Variants in DHX30 observed in about 807,000 individuals in gnomAD.
The protein encoded by DHX30 is DExH-box helicase 30.
A neutral mutation model predicts 116.9 loss-of-function variants in DHX30; 4 were observed. That is an observed-to-expected ratio of 0.03 (90% CI 0.02 to 0.08). DHX30 has a LOEUF of 0.08. Ranked by LOEUF, DHX30 falls within the 10% of genes least tolerant of loss-of-function variation. The probability of loss-of-function intolerance (pLI) is 1.00; values close to 1 mark genes in which losing one functional copy is unlikely to be tolerated. For synonymous variants in DHX30, 697 were observed against 651.7 expected (o/e 1.07, Z -1.06); for missense variants, 871 against 1,595.1 (o/e 0.55, Z 7.73).
At chr3:47,834,883 G>A (rs1303787148) in intron 6 of DHX30, among the ~76,000 whole-genome samples, 1 of 152,168 alleles carries the variant, frequency 6.6e-6, no homozygotes, top group Non-Finnish European at 1.5e-5. Context: ...GTTAACATGG[G>A]AGTGCAGACA....
chr3:47,840,242 CCG>C (rs2037310206), intron 6 of DHX30, among the ~76,000 whole-genome samples: 2 of 151,502 alleles, frequency 1.3e-5, no homozygotes, highest in Non-Finnish European at 2.9e-5. Flanking sequence ...CATGATCCGC[CCG>C]TCTCGGCCTC....
At chr3:47,824,200 AC>A (rs1302232639) in intron 4 of DHX30, among the ~76,000 whole-genome samples, 1 of 151,482 alleles carries the variant, frequency 6.6e-6, no homozygotes, top group East Asian at 1.9e-4. Context: ...ATGGGGTTTC[AC>A]CATGTTGGCC....
chr3:47,819,300 T>G (rs778243358), intron 4 of DHX30: 1 of 1,367,592 alleles, frequency 7.3e-7, no homozygotes, highest in African/African-American at 1.5e-5. Flanking sequence ...GTGCTTTGGC[T>G]AAGCTTGAAG....
chr3:47,845,768 T>G lies in DHX30; in HGVS notation c.1008T>G (p.Arg336=). 5.6e-6 allele frequency: 9 copies of G among 1,612,678 alleles called. No individual in the cohort carries two copies. The highest frequency in any genetic ancestry group is 7.6e-6 in the Non-Finnish European group (9 of 1,178,784). The stretch of plus-strand genomic sequence containing the variant: ...CCATGTATAACCTGGCCTCTTTGCG[T>G]GAGCTGGGTGAGACCCAGCGCCGAC... ...THAMYNLASL[R]ELGETQRRPC... Residue 336 remains arginine (R), a synonymous_variant, in exon 10 of 22, where the codon CGT becomes CGG. Transcript: ENST00000445061.
chr3:47,830,499 CTA>C (rs989080185), intron 6 of DHX30, among the ~76,000 whole-genome samples: 4 of 152,042 alleles, frequency 2.6e-5, no homozygotes, highest in Admixed American at 2.6e-4. Flanking sequence ...CGAGGTCTCA[CTA>C]TGTTGCTCAG....
In DHX30 at chr3:47,849,617, CTG is replaced by C; in HGVS notation, c.3192-9_3192-8del. On this transcript the variant is annotated splice_polypyrimidine_tract_variant and intron_variant, in intron 20 of 21. Coordinates refer to ENST00000445061, the MANE Select transcript of DHX30 (RefSeq NM_138615.3). Reference sequence around the variant, plus strand: ...GTCCAAAAGGGTGGCCTCACCAGCCCTGTGTTCCCTAGGGAGGCCACACGGTT... The same window carrying C: ...GTCCAAAAGGGTGGCCTCACCAGCCCTGTTCCCTAGGGAGGCCACACGGTT... 6.2e-7 allele frequency: 1 copy of C among 1,614,138 alleles called. No individual in the cohort carries two copies.
In DHX30 at chr3:47,843,098, C is replaced by G. The variant is rs1234692435; in HGVS notation, c.790-8C>G. 6.2e-7 allele frequency: 1 copy of G among 1,613,844 alleles called. No homozygotes were observed. The highest frequency in any genetic ancestry group is 2.2e-5 in the East Asian group (1 of 44,890). On this transcript the variant is annotated splice_region_variant and splice_polypyrimidine_tract_variant and intron_variant, in intron 8 of 21. Coordinates refer to ENST00000445061, the MANE Select transcript of DHX30 (RefSeq NM_138615.3). Reference sequence around the variant, plus strand: ...TTTCTGTAACCATCTCTCTTGCCTTCCATGTAGAACCTCATGCAGTTCCAT... The same window carrying G: ...TTTCTGTAACCATCTCTCTTGCCTTGCATGTAGAACCTCATGCAGTTCCAT...
intron 10 of DHX30, 104 bp downstream of exon 10, chr3:47,845,956 C>T (rs1352200694): frequency 2.3e-5 from 34 of 1,498,496 alleles, no homozygotes; most frequent in Non-Finnish European, 3.0e-5. Context: ...CCTCCCCATT[C>T]TCTTCACTGA....
At position 47,806,130 on chromosome 3, in the gene DHX30, G is replaced by A. The variant is rs2035508039; in HGVS notation, c.-28+710G>A. Among the ~76,000 whole-genome samples, 3 of 146,748 alleles carry A rather than the reference G, an allele frequency of 2.0e-5. No homozygotes were observed. In the South Asian group the frequency reaches 6.5e-4, roughly 32 times the overall value. The stretch of plus-strand genomic sequence containing the variant: ...CCTCAGCCTCATGCCACCAAGCCCG[G>A]CTAATTTTTTTGTATTTTTTTTTTT... On this transcript the variant is annotated intron_variant, in intron 2 of 21. Transcript: ENST00000445061.
chr3:47,832,567 T>C (rs2036908420), intron 6 of DHX30, among the ~76,000 whole-genome samples: 1 of 152,128 alleles, frequency 6.6e-6, no homozygotes, highest in Admixed American at 6.6e-5. Flanking sequence ...TCCCATAGGG[T>C]AGGTCTACCT....
intron 6 of DHX30, among the ~76,000 whole-genome samples, chr3:47,835,064 C>T (rs891895543): frequency 3.3e-5 from 5 of 151,900 alleles, no homozygotes; most frequent in Non-Finnish European, 5.9e-5. Flanking sequence ...AGTGCAGCAG[C>T]GCGATCTCGG....
At position 47,823,679 on chromosome 3, in the gene DHX30, A is replaced by G. The variant is rs1295015621; in HGVS notation, c.125-3668A>G. Reference sequence around the variant, plus strand: ...GCCTGGCTGATTTTTTTTTAACATAAAAATCTAAACATCTGTTCAACACAT... The same window carrying G: ...GCCTGGCTGATTTTTTTTTAACATAGAAATCTAAACATCTGTTCAACACAT... On this transcript the variant is annotated intron_variant, in intron 4 of 21. Coordinates refer to ENST00000445061, the MANE Select transcript of DHX30 (RefSeq NM_138615.3). 2.0e-5 allele frequency among the ~76,000 whole-genome samples: 3 copies of G among 151,974 alleles called. No individual in the cohort carries two copies. The East Asian group carries it at 5.8e-4, about 30-fold the overall frequency.
chr3:47,831,528 C>T (rs1482705438), intron 6 of DHX30, among the ~76,000 whole-genome samples: 3 of 152,064 alleles, frequency 2.0e-5, no homozygotes, highest in Non-Finnish European at 4.4e-5. Context: ...CAGATTCTTC[C>T]TCTTCTGGTT....
At chr3:47,841,358 A>G (rs913264001) in intron 7 of DHX30, among the ~76,000 whole-genome samples, 180 bp downstream of exon 7, 4 of 152,236 alleles carry the variant, frequency 2.6e-5, no homozygotes, top group African/African-American at 4.8e-5. Flanking sequence ...GTGGTCTTCT[A>G]TGTGGCTGGG....
In DHX30 at chr3:47,843,100, A is replaced by G. The variant is rs2037455508; in HGVS notation, c.790-6A>G. 6.2e-7 allele frequency: 1 copy of G among 1,614,076 alleles called. No homozygotes were observed. Among genetic ancestry groups the G allele is most frequent in the Non-Finnish European group, 8.5e-7 (1 of 1,179,948 alleles). On this transcript the variant is annotated splice_region_variant and splice_polypyrimidine_tract_variant and intron_variant, in intron 8 of 21. Transcript: ENST00000445061. ...TCTGTAACCATCTCTCTTGCCTTCC[A>G]TGTAGAACCTCATGCAGTTCCATAC...
chr3:47,834,098 G>A (rs2036995225), intron 6 of DHX30, among the ~76,000 whole-genome samples: 1 of 151,950 alleles, frequency 6.6e-6, no homozygotes. Context: ...AGATCATGTG[G>A]TATTTTCATT....
chr3:47,804,342 G>A, intron 1 of DHX30, among the ~76,000 whole-genome samples: 1 of 152,212 alleles, frequency 6.6e-6, no homozygotes, highest in South Asian at 2.1e-4. Flanking sequence ...ATCACCTGAG[G>A]TCAGAAGTTT....
chr3:47,840,811 C>G, intron 6 of DHX30, 66 bp from the exon 7 acceptor site: 1 of 1,598,984 alleles, frequency 6.3e-7, no homozygotes, highest in Non-Finnish European at 8.6e-7. Flanking sequence ...TGTAGCTGGA[C>G]ACGGACCAGG....
At chr3:47,803,774 C>T (rs1409720689) in intron 1 of DHX30, among the ~76,000 whole-genome samples, 1 of 152,206 alleles carries the variant, frequency 6.6e-6, no homozygotes, top group African/African-American at 2.4e-5. Flanking sequence ...TCCCATTTAG[C>T]AGGGGAAGAC....
Sources: allele counts gnomAD v4.1 joint callset (sites outside exome capture counted in the v4.1 genomes callset), GRCh38; gene constraint gnomAD v4.1.1; transcripts MANE v1.5; gene names NCBI Gene and HGNC (gene_info 2026-07-23, HGNC 2026-07-21).